Variants in DDX18 observed in about 807,000 individuals in gnomAD.
DDX18 encodes the protein ATP-dependent RNA helicase DDX18.
A neutral mutation model predicts 73.5 loss-of-function variants in DDX18; 23 were observed. The observed-to-expected ratio is 0.31, with a 90% CI of 0.23 to 0.44. The LOEUF (loss-of-function observed/expected upper bound fraction) is 0.44. Among genes scored for constraint, DDX18 ranks in the 20% least tolerant of loss-of-function variants. DDX18 has a pLI of 1.00. For synonymous variants in DDX18, 268 were observed against 282.7 expected, an observed-to-expected ratio of 0.95 and a Z score of 0.52; for missense variants, 753 against 792.9, an observed-to-expected ratio of 0.95 and a Z score of 0.60.
At position 117,828,997 on chromosome 2, in the gene DDX18, C is replaced by G. The variant is rs990723757; in HGVS notation, c.1684C>G (p.Gln562Glu). The part of the protein sequence containing the change: ...DFSWSKISDI[Q>E]SQLEKLIEKN... ...TTCCTGGTCTAAAATTTCTGACATT[C>G]AGTCTCAGGTATGTGCTTTTTAAAC... Residue 562 changes from glutamine (Q) to glutamate (E), a missense_variant, in exon 12 of 14, where the codon CAG (glutamine) becomes GAG (glutamate). Coordinates refer to ENST00000263239, the MANE Select transcript of DDX18 (RefSeq NM_006773.4). 4 of 1,612,274 alleles carry G rather than the reference C, an allele frequency of 2.5e-6. No homozygotes were observed. The highest frequency in any genetic ancestry group is 2.7e-5 in the African/African-American group (2 of 74,912).
Position 117,825,476 on chromosome 2 carries a change from C to G in DDX18, c.1398C>G (p.Thr466=), listed in dbSNP as rs61755350. 9.5e-4 allele frequency: 1,527 copies of G among 1,613,824 alleles called. 1 individual carries two copies. Among genetic ancestry groups the G allele is most frequent in the Non-Finnish European group, 1.2e-3 (1,428 of 1,179,804 alleles). Residue 466 remains threonine (T), a synonymous_variant, in exon 10 of 14, where the codon ACC becomes ACG. Transcript: ENST00000263239. Reference sequence around the variant, plus strand: ...AGCAAAAGCAAAATAAGCGTACAACCACATTCTTCCAGTTCTGCAATGCAG... The same window carrying G: ...AGCAAAAGCAAAATAAGCGTACAACGACATTCTTCCAGTTCTGCAATGCAG... The part of the protein sequence containing the change: ...HGKQKQNKRT[T]TFFQFCNADS...
chr2:117,825,284 T>C (rs1679906228), intron 9 of DDX18, among the ~76,000 whole-genome samples, 163 bp from the exon 10 acceptor site: 1 of 151,868 alleles, frequency 6.6e-6, no homozygotes, highest in South Asian at 2.1e-4. Flanking sequence ...TTTCGAAGAG[T>C]GCAAGACACC....
In DDX18 at chr2:117,821,637, T is replaced by C; in HGVS notation, c.651-13T>C. On this transcript the variant is annotated splice_polypyrimidine_tract_variant and intron_variant, in intron 4 of 13. Coordinates refer to ENST00000263239, the MANE Select transcript of DDX18 (RefSeq NM_006773.4). ...GGCTAAATGTCTTTCTCCTTTCCCTTTTTAATATTTAGGGATCTTCTAGCA... is the reference window on the plus strand; with the variant it reads ...GGCTAAATGTCTTTCTCCTTTCCCTCTTTAATATTTAGGGATCTTCTAGCA... 6.2e-7 allele frequency: 1 copy of C among 1,613,638 alleles called. No homozygotes were observed.
chr2:117,829,714 A>G (rs1056521882), intron 13 of DDX18, among the ~76,000 whole-genome samples: 5 of 152,198 alleles, frequency 3.3e-5, no homozygotes, highest in African/African-American at 1.2e-4. Context: ...TCAAAAGACA[A>G]AGAAATTTGA....
rs1464399565 is a variant in DDX18 at position 117,814,850 on chromosome 2, C to T, written c.73C>T (p.Leu25=). 1 of 1,614,196 alleles carries T rather than the reference C, an allele frequency of 6.2e-7. No individual in the cohort carries two copies. Among genetic ancestry groups the T allele is most frequent in the East Asian group, 2.2e-5 (1 of 44,884 alleles). ...GAACCTCAAATTGCGGCAGCGGAAC[C>T]TAAAGTTTCAGGGTGAGATGCGTTG... ...KRNLKLRQRN[L]KFQGASNLTL... Residue 25 remains leucine, a synonymous_variant, in exon 1 of 14, where the codon CTA becomes TTA. Coordinates refer to ENST00000263239, the MANE Select transcript of DDX18 (RefSeq NM_006773.4).
intron 7 of DDX18, 27 bp from the exon 8 acceptor site, chr2:117,824,542 G>A (rs1287964314): frequency 1.5e-6 from 2 of 1,349,914 alleles, no homozygotes; most frequent in Non-Finnish European, 1.9e-6. Flanking sequence ...AAAAGATTGG[G>A]GTTATTTTTA....
chr2:117,819,873 G>T, intron 3 of DDX18, 81 bp downstream of exon 3: 1 of 1,295,378 alleles, frequency 7.7e-7, no homozygotes, highest in Non-Finnish European at 1.0e-6. Context: ...AGGTTCAGTT[G>T]TGACTTTCAG....
chr2:117,826,356 TTTC>T lies in DDX18; in HGVS notation c.1613_1615del (p.Leu538del). On this transcript the variant is annotated inframe_deletion, in exon 11 of 14. Transcript: ENST00000263239. ...CATTTTGCGCCCAGAAGAATTGGGT[TTTC>T]TTCGCTACTTGAAACAATCCAAGGT... The T allele has an allele frequency of 6.2e-7, 1 of 1,614,038 alleles. No individual in the cohort carries two copies. The highest frequency in any genetic ancestry group is 2.2e-5 in the East Asian group (1 of 44,886).
At chr2:117,823,395 G>T (rs931863738) in intron 7 of DDX18, among the ~76,000 whole-genome samples, 1 of 152,236 alleles carries the variant, frequency 6.6e-6, no homozygotes, top group African/African-American at 2.4e-5. Flanking sequence ...ATTTATCTCT[G>T]AGTGTTTCAT....
chr2:117,821,812 G>A, intron 5 of DDX18, 50 bp from the exon 6 acceptor site: 1 of 1,612,540 alleles, frequency 6.2e-7, no homozygotes, highest in Non-Finnish European at 8.5e-7. Context: ...AGCTGTTACG[G>A]ACTCAGTGGT....
rs1679992441 is a variant in DDX18 at position 117,829,864 on chromosome 2, G to A, written c.1870+398G>A. ...TGTTTTGAAGCTAAAGAGAGGATGG[G>A]ACCTTTCAAGGAGTTTTAATCATCT... On this transcript the variant is annotated intron_variant, in intron 13 of 13. Coordinates refer to ENST00000263239, the MANE Select transcript of DDX18 (RefSeq NM_006773.4). Among the ~76,000 whole-genome samples the A allele has an allele frequency of 2.6e-5, 4 of 152,178 alleles. No individual in the cohort carries two copies. In the South Asian group the frequency reaches 8.3e-4, roughly 32 times the overall value.
At chr2:117,822,586 A>G (rs1679865330) in intron 7 of DDX18, 1 of 251,196 alleles carries the variant, frequency 4.0e-6, no homozygotes, top group African/African-American at 2.3e-5. Flanking sequence ...CCTTGGTTAT[A>G]GTACTTGCAA....
chr2:117,814,974 G>C, intron 1 of DDX18, 112 bp downstream of exon 1: 1 of 1,082,572 alleles, frequency 9.2e-7, no homozygotes, highest in Non-Finnish European at 1.4e-6. Flanking sequence ...CCCCTGCAGC[G>C]TGTGTGATTG....
At chr2:117,830,476 G>C (rs1680003237) in intron 13 of DDX18, 106 bp from the exon 14 acceptor site, 1 of 1,299,562 alleles carries the variant, frequency 7.7e-7, no homozygotes, top group East Asian at 2.6e-5. Flanking sequence ...GTTGAGAATG[G>C]GGTTGTGGAG....
At chr2:117,828,873 C>A in intron 11 of DDX18, 76 bp from the exon 12 acceptor site, 1 of 1,046,138 alleles carries the variant, frequency 9.6e-7, no homozygotes, top group Non-Finnish European at 1.5e-6. Flanking sequence ...GCCGGTTCAT[C>A]CTTCCCTGTC....
intron 12 of DDX18, 50 bp downstream of exon 12, chr2:117,829,055 C>G: frequency 6.7e-7 from 1 of 1,488,666 alleles, no homozygotes; most frequent in South Asian, 1.1e-5. Context: ...TGTCCCAGCA[C>G]TCTGTTTGTA....
At chr2:117,819,360 G>T (rs1405913894) in intron 2 of DDX18, among the ~76,000 whole-genome samples, 3 of 152,148 alleles carry the variant, frequency 2.0e-5, no homozygotes, top group Non-Finnish European at 4.4e-5. Flanking sequence ...TGTTAATCAG[G>T]TATGCTTCCT....
At chr2:117,815,602 A>G (rs570822193) in intron 1 of DDX18, 2 of 152,296 alleles carry the variant, frequency 1.3e-5, no homozygotes, top group Non-Finnish European at 2.9e-5. Context: ...ACAGACATTA[A>G]TTGAAAAAAA....
Position 117,821,732 on chromosome 2 carries a change from A to G in DDX18, c.733A>G (p.Arg245Gly). The change falls in exon 5 of 14, where the codon AGG becomes GGG. Residue 245 changes from arginine (R) to glycine (G), a missense_variant. Physicochemically the swap from Arg to Gly is moderately radical, Grantham distance 125 (BLOSUM62 -2). This residue lies in a region of DDX18 where 345 missense variants were observed against 352.0 expected (regional missense o/e 0.98). Transcript: ENST00000263239. ...IPAVELIVKLRFMPRNGTGVL... is the reference protein window; with the variant it reads ...IPAVELIVKLGFMPRNGTGVL... ...TGCAGTTGAACTCATTGTTAAGTTA[A>G]GGTTCATGCCCAGGAATGGTAAGCG... The G allele has an allele frequency of 6.2e-7, 1 of 1,614,030 alleles. No homozygotes were observed. The highest frequency in any genetic ancestry group is 2.2e-5 in the East Asian group (1 of 44,874).
Sources: gnomAD v4.1 joint callset for allele counts (sites outside exome capture counted in the v4.1 genomes callset) on GRCh38, gnomAD v4.1.1 for gene constraint, gnomAD v4.1.1 regional missense constraint, MANE v1.5 for transcripts, NCBI Gene and HGNC (gene_info 2026-07-23, HGNC 2026-07-21) for gene names.